KIR2DL1: variants seen among roughly 807,000 people sequenced by gnomAD.
The protein encoded by KIR2DL1 is killer cell immunoglobulin like receptor, two Ig domains and long cytoplasmic tail 1.
KIR2DL1 carries 38 observed loss-of-function variants against 33.9 expected under a neutral mutation model. The observed-to-expected ratio is 1.12, with a 90% confidence interval of 0.86 to 1.47. The LOEUF is 1.47. Among genes scored for constraint, KIR2DL1 ranks in the 40% most tolerant of loss-of-function variants. The pLI, the probability that KIR2DL1 is intolerant of heterozygous loss-of-function variation, is 0.00. For missense variants in KIR2DL1, 531 were observed against 433.9 expected (o/e 1.22, Z -1.99); for synonymous variants, 179 against 165.9 (o/e 1.08, Z -0.61).
At chr19:54,783,294 C>T (rs1007909468) in intron 6 of KIR2DL1, among the ~76,000 whole-genome samples, 192 bp from the exon 7 acceptor site, 8 of 151,846 alleles carry the variant, frequency 5.3e-5, no homozygotes, top group African/African-American at 1.7e-4. Context: ...GAGACAGAAT[C>T]AATGGGATGG....
rs111393305 is a variant in KIR2DL1 at position 54,783,847 on chromosome 19, G to A, written c.*34G>A. 3,357 of 1,613,392 alleles carry A rather than the reference G, an allele frequency of 2.1e-3. 4 individuals carry two copies. The African/African-American group carries it at 0.04, about 19-fold the overall frequency. ...GTCAGGCCTTGAGGGCGTCTTCTAG[G>A]GAGACAACAGCCCTGTCTCAAAACC... On this transcript the variant is annotated 3_prime_UTR_variant, in exon 8 of 8. Transcript: ENST00000336077.
chr19:54,776,660 G>C (rs1256625469), intron 4 of KIR2DL1, among the ~76,000 whole-genome samples: 1 of 129,562 alleles, frequency 7.7e-6, no homozygotes, highest in Non-Finnish European at 1.7e-5. Context: ...TCTTTTTTGA[G>C]AAAGAGTTTC....
chr19:54,771,043 T>C (rs1168497526), intron 2 of KIR2DL1, among the ~76,000 whole-genome samples, 159 bp downstream of exon 2: 25 of 147,808 alleles, frequency 1.7e-4, no homozygotes, highest in African/African-American at 6.2e-4. Context: ...GGCCTTTCAT[T>C]CCCTTGGCAG....
At chr19:54,783,448 G>A in intron 6 of KIR2DL1, 38 bp from the exon 7 acceptor site, 3 of 1,607,152 alleles carry the variant, frequency 1.9e-6, no homozygotes, top group Non-Finnish European at 2.6e-6. Flanking sequence ...ACCCAGAAGT[G>A]CCCTCCGAGC....
rs932341668 is a variant in KIR2DL1 at position 54,784,183 on chromosome 19, C to T, written c.*370C>T. 11 of 412,884 alleles carry T rather than the reference C, an allele frequency of 2.7e-5. No individual in the cohort carries two copies. The highest frequency in any genetic ancestry group is 5.2e-5 in the East Asian group (1 of 19,342). The allele number at this position is 412,884 out of a possible 1,614,324, so 25.6% of individuals were successfully genotyped here. On this transcript the variant is annotated 3_prime_UTR_variant, in exon 8 of 8. Coordinates refer to ENST00000336077, the MANE Select transcript of KIR2DL1 (RefSeq NM_014218.3). ...TCCCTCTTAACGCAGCACTTAGACACGTGTTGTTCCACCTTCCCTCATGCT... is the reference window on the plus strand; with the variant it reads ...TCCCTCTTAACGCAGCACTTAGACATGTGTTGTTCCACCTTCCCTCATGCT...
chr19:54,783,844 T>G lies in KIR2DL1; in HGVS notation c.*31T>G. ...ACAGTCAGGCCTTGAGGGCGTCTTC[T>G]AGGGAGACAACAGCCCTGTCTCAAA... On this transcript the variant is annotated 3_prime_UTR_variant, in exon 8 of 8. Coordinates refer to ENST00000336077, the MANE Select transcript of KIR2DL1 (RefSeq NM_014218.3). The G allele has an allele frequency of 6.2e-7, 1 of 1,613,808 alleles. No homozygotes were observed. Among genetic ancestry groups the G allele is most frequent in the South Asian group, 1.1e-5 (1 of 91,068 alleles).
chr19:54,781,286 C>T (rs1218176787), intron 5 of KIR2DL1, among the ~76,000 whole-genome samples: 3,881 of 130,550 alleles, frequency 0.03, no homozygotes, highest in South Asian at 0.055. Context: ...TTCTTTGATC[C>T]TTTATCTTAT....
intron 5 of KIR2DL1, among the ~76,000 whole-genome samples, chr19:54,781,728 G>A (rs1235382170): frequency 6.6e-6 from 1 of 152,090 alleles, no homozygotes; most frequent in Non-Finnish European, 1.5e-5. Flanking sequence ...TTTCACACGG[G>A]CTTCAACACT....
intron 4 of KIR2DL1, among the ~76,000 whole-genome samples, chr19:54,776,634 C>CTTTTTTTTTTTTTTTTTTTTTT (rs113294942): frequency 1.6e-5 from 2 of 128,314 alleles, no homozygotes; most frequent in South Asian, 2.4e-4. Flanking sequence ...TGAAAGTTCT[C>CTTTTTTTTTTTTTTTTTTTTTT]TTTTTTTTTT....
At chr19:54,776,237 T>TA (rs759873825) in intron 4 of KIR2DL1, among the ~76,000 whole-genome samples, 348 of 141,120 alleles carry the variant, frequency 2.5e-3, no homozygotes, top group Middle Eastern at 7.3e-3. Context: ...AAATACATTT[T>TA]TATATATATA....
Position 54,770,856 on chromosome 19 carries a change from C to G in KIR2DL1, c.42C>G (p.Phe14Leu), listed in dbSNP as rs760056208. The stretch of plus-strand genomic sequence containing the variant: ...CATGATCTTTCTTTCCAGGGTTCTT[C>G]TTGCTGCAGGGGGCCTGGCCACATG... ...LVVSMACVGF[F>L]LLQGAWPHEG... The change falls in exon 2 of 8, where the codon TTC becomes TTG. Residue 14 changes from phenylalanine (F) to leucine (L), a missense_variant. By Grantham distance (22) the Phe-to-Leu change is conservative. Coordinates refer to ENST00000336077, the MANE Select transcript of KIR2DL1 (RefSeq NM_014218.3). 1 of 1,584,846 alleles carries G rather than the reference C, an allele frequency of 6.3e-7. No homozygotes were observed. The highest frequency in any genetic ancestry group is 1.4e-5 in the African/African-American group (1 of 74,020).
At position 54,775,324 on chromosome 19, in the gene KIR2DL1, T is replaced by G. The variant is rs780561426; in HGVS notation, c.530T>G (p.Val177Gly). Residue 177 changes from valine (V) to glycine (G), a missense_variant, in exon 4 of 8, where the codon GTC (valine) becomes GGC (glycine). By Grantham distance (109) the Val-to-Gly change is moderately radical. Transcript: ENST00000336077. Reference sequence around the variant, plus strand: ...CGTAGGCTCCCTGCAGGGCCCAAGGTCAACGGAACATTCCAGGCTGACTTT... The same window carrying G: ...CGTAGGCTCCCTGCAGGGCCCAAGGGCAACGGAACATTCCAGGCTGACTTT... ...HERRLPAGPK[V>G]NGTFQADFPL... 4 of 1,580,986 alleles carry G rather than the reference T, an allele frequency of 2.5e-6. No homozygotes were observed. Among genetic ancestry groups the G allele is most frequent in the Non-Finnish European group, 2.6e-6 (3 of 1,153,118 alleles).
At chr19:54,774,676 TAG>T (rs1421048639) in intron 3 of KIR2DL1, among the ~76,000 whole-genome samples, 38 of 147,290 alleles carry the variant, frequency 2.6e-4, no homozygotes, top group Non-Finnish European at 4.3e-4. Context: ...AGAGAAATCA[TAG>T]AGAGAGAGAG....
chr19:54,773,270 C>A (rs1294195909), intron 2 of KIR2DL1, 63 bp from the exon 3 acceptor site: 21 of 1,495,700 alleles, frequency 1.4e-5, no homozygotes, highest in Admixed American at 5.6e-5. Flanking sequence ...CTGACTCAAT[C>A]CAGGTGCCAT....
chr19:54,783,002 C>T lies in KIR2DL1; in HGVS notation c.796C>T (p.Arg266Cys), dbSNP rs34721508. ...LFILLFFLLHRWCSNKKNAAV... is the reference protein window; with the variant it reads ...LFILLFFLLHCWCSNKKNAAV... ...CATCCTCCTCTTCTTTCTCCTTCAT[C>T]GCTGGTGCTCCAACAAAAAAAGTAA... Residue 266 changes from arginine (R) to cysteine (C), a missense_variant, in exon 6 of 8, where the codon CGC (arginine) becomes TGC (cysteine). Arg to Cys is a radical substitution (Grantham distance 180, BLOSUM62 -3). Transcript: ENST00000336077. 204,478 of 1,593,410 alleles carry T rather than the reference C, an allele frequency of 0.13. 418 individuals are homozygous for T. Among genetic ancestry groups the T allele is most frequent in the African/African-American group, 0.22 (16,382 of 73,700 alleles).
chr19:54,777,968 T>C (rs941336314), intron 4 of KIR2DL1, among the ~76,000 whole-genome samples: 38 of 148,576 alleles, frequency 2.6e-4, no homozygotes, highest in African/African-American at 9.3e-4. Context: ...TTTGTCAAAG[T>C]CCATTGGATG....
chr19:54,776,550 G>C lies in KIR2DL1; in HGVS notation c.664+1092G>C, dbSNP rs1312003098. Among the ~76,000 whole-genome samples the C allele has an allele frequency of 2.6e-4, 38 of 146,666 alleles. 1 individual carries two copies. The highest frequency in any genetic ancestry group is 9.0e-4 in the African/African-American group (36 of 40,098). On this transcript the variant is annotated intron_variant, in intron 4 of 7. Coordinates refer to ENST00000336077, the MANE Select transcript of KIR2DL1 (RefSeq NM_014218.3). ...GAACAGTGCTGCACCAATCATACGA[G>C]TGCAGATATCACTTCGATATGTTGA...
chr19:54,774,259 CA>C (rs1178478621), intron 3 of KIR2DL1, among the ~76,000 whole-genome samples: 1 of 147,932 alleles, frequency 6.8e-6, no homozygotes, highest in Non-Finnish European at 1.5e-5. Flanking sequence ...TCAGGGACAC[CA>C]AAAAGCAAAG....
intron 4 of KIR2DL1, among the ~76,000 whole-genome samples, chr19:54,778,027 G>C (rs202070190): frequency 6.8e-6 from 1 of 147,126 alleles, no homozygotes; most frequent in Non-Finnish European, 1.5e-5. Flanking sequence ...TTGGGAGCCC[G>C]AGGTGGGTGG....
Sources: gnomAD v4.1 joint callset for allele counts (sites outside exome capture counted in the v4.1 genomes callset) on GRCh38, gnomAD v4.1.1 for gene constraint, MANE v1.5 for transcripts, NCBI Gene and HGNC (gene_info 2026-07-23, HGNC 2026-07-21) for gene names.